Variants in ZBTB43 observed in about 807,000 individuals in gnomAD.
ZBTB43 encodes the protein zinc finger and BTB domain containing 43.
Under a neutral mutation model 31.1 loss-of-function variants are expected in ZBTB43, and 6 were observed. That is an observed-to-expected ratio of 0.19 (90% CI 0.11 to 0.38). The LOEUF is 0.38. Among genes scored for constraint, ZBTB43 ranks in the 10% least tolerant of loss-of-function variants. The probability of loss-of-function intolerance (pLI) is 1.00; values close to 1 mark genes in which losing one functional copy is unlikely to be tolerated. For synonymous variants in ZBTB43, 212 were observed against 221.7 expected (o/e 0.96, Z 0.39); for missense variants, 379 against 602.1 (o/e 0.63, Z 3.88).
chr9:126,811,708 C>A (rs368391634), intron 2 of ZBTB43, among the ~76,000 whole-genome samples: 5 of 152,144 alleles, frequency 3.3e-5, no homozygotes, highest in African/African-American at 1.2e-4. Flanking sequence ...TCACTGCAGC[C>A]TCCGCCTCCT....
chr9:126,812,649 T>A (rs1235050135), intron 2 of ZBTB43, among the ~76,000 whole-genome samples: 1 of 152,242 alleles, frequency 6.6e-6, no homozygotes, highest in Non-Finnish European at 1.5e-5. Flanking sequence ...TGATTTGCAT[T>A]TTTCTAATTA....
At chr9:126,810,689 G>A (rs1303341934) in intron 2 of ZBTB43, among the ~76,000 whole-genome samples, 2 of 150,816 alleles carry the variant, frequency 1.3e-5, no homozygotes, top group Non-Finnish European at 3.0e-5. Context: ...ACTTTTAGTA[G>A]AGAAGGGGTT....
chr9:126,806,639 A>G (rs1220924544), intron 1 of ZBTB43, among the ~76,000 whole-genome samples: 1 of 152,256 alleles, frequency 6.6e-6, no homozygotes, highest in Non-Finnish European at 1.5e-5. Flanking sequence ...AGTTTTATGT[A>G]TATTTTATAC....
chr9:126,829,140 A>G (rs1242505186), intron 2 of ZBTB43, among the ~76,000 whole-genome samples: 1 of 152,166 alleles, frequency 6.6e-6, no homozygotes, highest in Non-Finnish European at 1.5e-5. Context: ...GTAGTTTGGT[A>G]ATATGTATCA....
At position 126,828,651 on chromosome 9, in the gene ZBTB43, AATAATT is replaced by A. The variant is rs58639891; in HGVS notation, c.-23-3833_-23-3828del. ...TCTAAATAATAATAATAATAATAAT[AATAATT>A]ATTATTATTATTATTATTATTTTGG... is the stretch of plus-strand genomic sequence containing the variant. On this transcript the variant is annotated intron_variant, in intron 2 of 2. Transcript: ENST00000373464. Among the ~76,000 whole-genome samples the A allele has an allele frequency of 6.3e-3, 803 of 126,460 alleles. 11 individuals carry two copies. The highest frequency in any genetic ancestry group is 0.023 in the African/African-American group (755 of 32,802). 83.0% of individuals were successfully genotyped at this position (126,460 alleles called of 152,430 possible).
chr9:126,814,265 G>C (rs1397546710), intron 2 of ZBTB43, among the ~76,000 whole-genome samples: 1 of 9,758 alleles, frequency 1.0e-4, no homozygotes. Context: ...CTTTCATCCT[G>C]ATTTTTACAG....
intron 2 of ZBTB43, among the ~76,000 whole-genome samples, chr9:126,827,904 T>C (rs1222094159): frequency 6.6e-6 from 1 of 151,964 alleles, no homozygotes; most frequent in Non-Finnish European, 1.5e-5. Flanking sequence ...TCTCAGCTAC[T>C]TGGGAGGCTG....
At chr9:126,808,405 G>A (rs1384917100) in intron 1 of ZBTB43, among the ~76,000 whole-genome samples, 1 of 151,914 alleles carries the variant, frequency 6.6e-6, no homozygotes, top group Non-Finnish European at 1.5e-5. Context: ...TTCTAATTAG[G>A]AAAAAAATGG....
At chr9:126,830,447 C>T (rs2032740921) in intron 2 of ZBTB43, among the ~76,000 whole-genome samples, 1 of 152,204 alleles carries the variant, frequency 6.6e-6, no homozygotes, top group Non-Finnish European at 1.5e-5. Flanking sequence ...GAATTCGAGA[C>T]CAGCCTGGAC....
intron 2 of ZBTB43, among the ~76,000 whole-genome samples, chr9:126,821,148 C>T (rs906767991): frequency 5.3e-5 from 8 of 151,912 alleles, no homozygotes; most frequent in African/African-American, 1.7e-4. Context: ...GTGGGTGAAT[C>T]GCTTGAGGTC....
intron 2 of ZBTB43, among the ~76,000 whole-genome samples, chr9:126,814,492 A>G (rs909466180): frequency 6.7e-6 from 1 of 149,368 alleles, no homozygotes; most frequent in Non-Finnish European, 1.5e-5. Context: ...CAACTTTTCT[A>G]TGTCTGAAAA....
intron 2 of ZBTB43, among the ~76,000 whole-genome samples, chr9:126,824,827 C>A (rs556985883): frequency 6.6e-6 from 1 of 152,088 alleles, no homozygotes. Flanking sequence ...AAGTGTTTGA[C>A]CATTATATAT....
At chr9:126,811,313 T>C (rs1050377931) in intron 2 of ZBTB43, among the ~76,000 whole-genome samples, 1 of 152,136 alleles carries the variant, frequency 6.6e-6, no homozygotes, top group African/African-American at 2.4e-5. Context: ...GATTTAAATC[T>C]CAATTTTACT....
At chr9:126,807,022 C>A (rs1484811128) in intron 1 of ZBTB43, among the ~76,000 whole-genome samples, 1 of 152,070 alleles carries the variant, frequency 6.6e-6, no homozygotes, top group Non-Finnish European at 1.5e-5. Flanking sequence ...TGTGTTATTT[C>A]TTGAGTTTCG....
chr9:126,827,189 C>T (rs957965324), intron 2 of ZBTB43, among the ~76,000 whole-genome samples: 12 of 152,196 alleles, frequency 7.9e-5, no homozygotes, highest in Admixed American at 5.9e-4. Context: ...CAGCCTGTGA[C>T]CAGGTAGATT....
At chr9:126,830,738 G>T (rs866841862) in intron 2 of ZBTB43, among the ~76,000 whole-genome samples, 4 of 140,370 alleles carry the variant, frequency 2.8e-5, no homozygotes, top group Non-Finnish European at 3.1e-5. Flanking sequence ...CGTTTGGGTG[G>T]TTTTTTTTTT....
chr9:126,809,958 C>T (rs1226473412), intron 2 of ZBTB43, among the ~76,000 whole-genome samples: 3 of 151,584 alleles, frequency 2.0e-5, no homozygotes, highest in African/African-American at 7.3e-5. Flanking sequence ...CCTCAGCCTT[C>T]AGAGTAGCTG....
chr9:126,832,361 T>C lies in ZBTB43; in HGVS notation c.-23-126T>C, dbSNP rs1312817226. On this transcript the variant is annotated intron_variant, in intron 2 of 2. Coordinates refer to ENST00000373464, the MANE Select transcript of ZBTB43 (RefSeq NM_014007.4). Reference sequence around the variant, plus strand: ...GCTTTGCTCTAGGGATTGAATCCCTTACCCAGTGGGGCCCATAGGCTAGAG... The same window carrying C: ...GCTTTGCTCTAGGGATTGAATCCCTCACCCAGTGGGGCCCATAGGCTAGAG... 3.4e-6 allele frequency: 3 copies of C among 871,564 alleles called. No individual in the cohort carries two copies. In the African/African-American group the frequency reaches 5.1e-5, roughly 15 times the overall value. 54.0% of individuals were successfully genotyped at this position (871,564 alleles called of 1,614,324 possible).
At position 126,832,773 on chromosome 9, in the gene ZBTB43, T is replaced by C. The variant is rs561567361; in HGVS notation, c.264T>C (p.Ser88=). The C allele has an allele frequency of 1.0e-4, 167 of 1,614,172 alleles. 2 individuals carry two copies. In the South Asian group the frequency reaches 1.4e-3, roughly 14 times the overall value. ...PRVFENILLS[S]YTGRLVMPAP... ...TGTTTGAGAACATTCTCCTATCTAG[T>C]TATACAGGACGTCTAGTAATGCCCG... Residue 88 remains serine (S), a synonymous_variant, in exon 3 of 3, where the codon AGT becomes AGC. Coordinates refer to ENST00000373464, the MANE Select transcript of ZBTB43 (RefSeq NM_014007.4).
Sources: allele counts gnomAD v4.1 joint callset (sites outside exome capture counted in the v4.1 genomes callset), GRCh38; gene constraint gnomAD v4.1.1; transcripts MANE v1.5; gene names NCBI Gene and HGNC (gene_info 2026-07-23, HGNC 2026-07-21).